CCDC13: variants seen among roughly 807,000 people sequenced by gnomAD.
The protein encoded by CCDC13 is coiled-coil domain containing 13.
Under a neutral mutation model 87.3 loss-of-function variants are expected in CCDC13, and 70 were observed. The ratio of observed to expected loss-of-function variants is 0.80; its 90% CI spans 0.66 to 0.98. The LOEUF is 0.98. CCDC13 is among the 50% of genes least tolerant of loss of function. CCDC13 has a pLI of 0.00. For synonymous variants in CCDC13, 317 were observed against 360.3 expected (o/e 0.88, Z 1.36); for missense variants, 842 against 892.0 (o/e 0.94, Z 0.71).
rs2240861 is a variant in CCDC13 at position 42,708,832 on chromosome 3, G to A, written c.*148C>T. ...TTCCTGGCCTGAGACATTGGTTTTG[G>A]TCATCCTTAAGGAGCCTCTTCTGGT... is the stretch of plus-strand genomic sequence containing the variant. On this transcript the variant is annotated 3_prime_UTR_variant, in exon 16 of 16. Coordinates refer to ENST00000310232, the MANE Select transcript of CCDC13 (RefSeq NM_144719.4). 0.26 allele frequency: 194,068 copies of A among 758,318 alleles called. 26,162 individuals carry two copies. Among genetic ancestry groups the A allele is most frequent in the Non-Finnish European group, 0.27 (134,808 of 494,864 alleles). 47.0% of individuals were successfully genotyped at this position (758,318 alleles called of 1,614,324 possible). A position where few individuals can be genotyped will look rare whatever the true frequency, so the allele number is the denominator to read the frequency against.
At chr3:42,773,020 G>A (rs936877964) in intron 1 of CCDC13, among the ~76,000 whole-genome samples, 156 bp downstream of exon 1, 7 of 152,196 alleles carry the variant, frequency 4.6e-5, no homozygotes, top group Admixed American at 2.6e-4. Flanking sequence ...AAGGACGAAG[G>A]GGAAGAGTCC....
intron 3 of CCDC13, among the ~76,000 whole-genome samples, chr3:42,755,630 A>T (rs960056173): frequency 1.3e-5 from 2 of 152,242 alleles, no homozygotes; most frequent in African/African-American, 4.8e-5. Context: ...TTAAAAACAT[A>T]AATGGGCTTG....
chr3:42,724,443 T>A (rs1388765483), intron 13 of CCDC13, among the ~76,000 whole-genome samples: 1 of 152,220 alleles, frequency 6.6e-6, no homozygotes, highest in Non-Finnish European at 1.5e-5. Flanking sequence ...CTGAGGCTGC[T>A]CCTCCTGCCT....
rs1040870854 is a variant in CCDC13, at chr3:42,713,321, T to G, written c.1719-5A>C. ...TTGCTGTTGCTCTCCTCCACCCTGG[T>G]GATTAGAGAGGAGGGGATGCTACAT... On this transcript the variant is annotated splice_polypyrimidine_tract_variant and splice_region_variant and intron_variant, in intron 13 of 15. Coordinates refer to ENST00000310232, the MANE Select transcript of CCDC13 (RefSeq NM_144719.4). 3 of 1,613,412 alleles carry G rather than the reference T, an allele frequency of 1.9e-6. No homozygotes were observed. The African/African-American group carries it at 4.0e-5, about 22-fold the overall frequency.
chr3:42,749,994 A>T (rs1450627184), intron 5 of CCDC13: 2 of 454,926 alleles, frequency 4.4e-6, no homozygotes, highest in African/African-American at 4.0e-5. Flanking sequence ...TCTCGCTCTG[A>T]TCAGGAGATG....
chr3:42,764,809 A>G (rs1699900440), intron 1 of CCDC13, among the ~76,000 whole-genome samples: 2 of 152,152 alleles, frequency 1.3e-5, no homozygotes, highest in African/African-American at 4.8e-5. Flanking sequence ...GACTCCCAGA[A>G]TCCCTAGGGC....
chr3:42,758,268 TA>T lies in CCDC13; in HGVS notation c.77del (p.Leu26TyrfsTer13). On this transcript the variant is annotated frameshift_variant, in exon 2 of 16. Coordinates refer to ENST00000310232, the MANE Select transcript of CCDC13 (RefSeq NM_144719.4). LOFTEE classifies it high-confidence loss of function. The stretch of plus-strand genomic sequence containing the variant: ...CCCTCTTTTTCTCCATCTGCTTCTG[TA>T]ACCGTTTGTGCTGCATCTCCTGCAT... ...KAMQEMQHKR[L>X]QKQMEKKREK... 1 of 1,613,796 alleles carries T rather than the reference TA, an allele frequency of 6.2e-7. No individual in the cohort carries two copies. Among genetic ancestry groups the T allele is most frequent in the Non-Finnish European group, 8.5e-7 (1 of 1,180,022 alleles).
At chr3:42,726,709 C>T (rs2125878502) in intron 13 of CCDC13, among the ~76,000 whole-genome samples, 1 of 149,130 alleles carries the variant, frequency 6.7e-6, no homozygotes, top group African/African-American at 2.5e-5. Context: ...AATATACACA[C>T]ATATTTACAT....
In CCDC13 at chr3:42,730,389, C is replaced by T. The variant is rs1446557578; in HGVS notation, c.1718+78G>A. 3 of 1,561,522 alleles carry T rather than the reference C, an allele frequency of 1.9e-6. No homozygotes were observed. The African/African-American group carries it at 4.1e-5, about 21-fold the overall frequency. On this transcript the variant is annotated intron_variant, in intron 13 of 15. Coordinates refer to ENST00000310232, the MANE Select transcript of CCDC13 (RefSeq NM_144719.4). ...AGCCGAGCTCTCAGGTGAGGAGGAC[C>T]CAGTCATAAATGAGGCCTGGCCCCA...
chr3:42,709,908 TA>T (rs1698266552), intron 14 of CCDC13, 110 bp from the exon 15 acceptor site: 3 of 823,734 alleles, frequency 3.6e-6, no homozygotes, highest in Non-Finnish European at 6.1e-6. Context: ...GGTGAAACGC[TA>T]CACCGCCTTC....
intron 9 of CCDC13, 98 bp from the exon 10 acceptor site, chr3:42,736,011 A>C: frequency 1.7e-6 from 2 of 1,163,618 alleles, no homozygotes; most frequent in Non-Finnish European, 2.5e-6. Flanking sequence ...AGCAGGCTGC[A>C]GGAACCTAAC....
intron 6 of CCDC13, 84 bp downstream of exon 6, chr3:42,747,173 G>A: frequency 2.0e-6 from 2 of 1,023,246 alleles, no homozygotes; most frequent in Non-Finnish European, 3.1e-6. Flanking sequence ...CATGGCTCCA[G>A]AAAGGAATCC....
chr3:42,756,429 C>A (rs985429055), intron 3 of CCDC13, among the ~76,000 whole-genome samples: 1 of 152,152 alleles, frequency 6.6e-6, no homozygotes, highest in Non-Finnish European at 1.5e-5. Context: ...AGGTCTCCAC[C>A]AACACAGCCA....
In CCDC13 at chr3:42,758,356, G is replaced by A; in HGVS notation, c.-6-5C>T. On this transcript the variant is annotated splice_polypyrimidine_tract_variant and splice_region_variant and intron_variant, in intron 1 of 15. Coordinates refer to ENST00000310232, the MANE Select transcript of CCDC13 (RefSeq NM_144719.4). ...TTCATCTGCTGCCATCCTGCCCTAG[G>A]CATCAGAAATGAAGCCTCAGCTGAA... 7 of 1,611,318 alleles carry A rather than the reference G, an allele frequency of 4.3e-6. No homozygotes were observed. The highest frequency in any genetic ancestry group is 5.9e-6 in the Non-Finnish European group (7 of 1,179,830).
At chr3:42,712,856 C>T (rs764758498) in intron 14 of CCDC13, among the ~76,000 whole-genome samples, 15 of 152,224 alleles carry the variant, frequency 9.9e-5, no homozygotes, top group South Asian at 2.1e-4. Context: ...TGAATGAAGT[C>T]AGCTTAGGAT....
In CCDC13 at chr3:42,730,509, T is replaced by A. The variant is rs771736654; in HGVS notation, c.1676A>T (p.Glu559Val). The change falls in exon 13 of 16, where the codon GAG becomes GTG. Residue 559 changes from glutamate (E) to valine (V), a missense_variant. Physicochemically the swap from Glu to Val is moderately radical, Grantham distance 121. Coordinates refer to ENST00000310232, the MANE Select transcript of CCDC13 (RefSeq NM_144719.4). ...GACAAACTCGGTGAGCCGGTCACGC[T>A]CCACCTCGGCAGCCTGCCAGAGGGC... ...IKALWQAAEV[E>V]RDRLTEFVTV... 6.2e-7 allele frequency: 1 copy of A among 1,614,148 alleles called. No homozygotes were observed. Among genetic ancestry groups the A allele is most frequent in the Non-Finnish European group, 8.5e-7 (1 of 1,179,992 alleles).
In CCDC13 at chr3:42,739,605, C is replaced by G. The variant is rs142370287; in HGVS notation, c.1164+29G>C. On this transcript the variant is annotated intron_variant, in intron 9 of 15. Coordinates refer to ENST00000310232, the MANE Select transcript of CCDC13 (RefSeq NM_144719.4). ...ATCCTTTGAGGAACCACCCCTGGCTCTCGCCCTGCCTGAGTGGTGGGGCCA... is the reference window on the plus strand; with the variant it reads ...ATCCTTTGAGGAACCACCCCTGGCTGTCGCCCTGCCTGAGTGGTGGGGCCA... 64 of 1,602,236 alleles carry G rather than the reference C, an allele frequency of 4.0e-5. No individual in the cohort carries two copies. The African/African-American group carries it at 7.8e-4, about 19-fold the overall frequency.
At chr3:42,740,323 G>C (rs1178508104) in intron 8 of CCDC13, among the ~76,000 whole-genome samples, 2 of 152,152 alleles carry the variant, frequency 1.3e-5, no homozygotes, top group Non-Finnish European at 2.9e-5. Context: ...ACCTTGCTTT[G>C]TCAGCTACCA....
intron 14 of CCDC13, 48 bp from the exon 15 acceptor site, chr3:42,709,846 G>A: frequency 7.2e-7 from 1 of 1,394,892 alleles, no homozygotes; most frequent in Non-Finnish European, 1.0e-6. Flanking sequence ...ACAGCCCTGT[G>A]CTAGCACCCT....
Sources: gnomAD v4.1 joint callset for allele counts (sites outside exome capture counted in the v4.1 genomes callset) on GRCh38, gnomAD v4.1.1 for gene constraint, MANE v1.5 for transcripts, NCBI Gene and HGNC (gene_info 2026-07-23, HGNC 2026-07-21) for gene names.